Variants in WWOX observed in about 807,000 individuals in gnomAD.
WWOX encodes WW domain containing oxidoreductase.
A neutral mutation model predicts 46.2 loss-of-function variants in WWOX; 69 were observed. The observed-to-expected ratio is 1.49, with a 90% CI of 1.23 to 1.82. The LOEUF (loss-of-function observed/expected upper bound fraction) is 1.82. WWOX is among the 40% of genes most tolerant of loss of function. The pLI is 0.00. For missense variants in WWOX, 919 were observed against 542.6 expected, an observed-to-expected ratio of 1.69 and a Z score of -6.89; for synonymous variants, 359 against 202.6, an observed-to-expected ratio of 1.77 and a Z score of -6.56.
At chr16:78,962,046 T>A (rs1425456557) in intron 8 of WWOX, among the ~76,000 whole-genome samples, 1 of 152,086 alleles carries the variant, frequency 6.6e-6, no homozygotes, top group Non-Finnish European at 1.5e-5. Flanking sequence ...TGGATGTGAC[T>A]TCTACCTATG....
chr16:78,426,493 C>G (rs1004348104), intron 7 of WWOX, among the ~76,000 whole-genome samples: 5 of 152,120 alleles, frequency 3.3e-5, no homozygotes, highest in African/African-American at 1.2e-4. Context: ...AGATCCAAAT[C>G]TCAGCATCAT....
At chr16:78,381,684 T>C (rs2081959660) in intron 5 of WWOX, among the ~76,000 whole-genome samples, 1 of 152,236 alleles carries the variant, frequency 6.6e-6, no homozygotes, top group Admixed American at 6.5e-5. Context: ...AGAGCCATTT[T>C]ACAGCATTTC....
intron 8 of WWOX, among the ~76,000 whole-genome samples, chr16:78,710,191 C>T (rs903637747): frequency 7.9e-5 from 12 of 151,860 alleles, no homozygotes; most frequent in African/African-American, 2.4e-4. Context: ...AGGCTTTCCC[C>T]GTTCAAATCA....
At chr16:79,096,315 C>A (rs961445363) in intron 8 of WWOX, among the ~76,000 whole-genome samples, 2 of 152,150 alleles carry the variant, frequency 1.3e-5, no homozygotes, top group African/African-American at 4.8e-5. Context: ...TCCCCTGTTA[C>A]TCGGAGTGCA....
intron 5 of WWOX, among the ~76,000 whole-genome samples, chr16:78,302,112 C>T (rs1460909681): frequency 6.6e-6 from 1 of 152,046 alleles, no homozygotes; most frequent in African/African-American, 2.4e-5. Context: ...AGGCGCCTGC[C>T]ACCATGCCCG....
At chr16:79,101,017 A>T (rs575024837) in intron 8 of WWOX, 1 of 153,064 alleles carries the variant, frequency 6.5e-6, no homozygotes, top group Admixed American at 6.5e-5. Context: ...GGGGAATGAG[A>T]ACTAGGGAAC....
chr16:79,192,510 A>G (rs748465332), intron 8 of WWOX, among the ~76,000 whole-genome samples: 16 of 152,306 alleles, frequency 1.1e-4, no homozygotes, highest in Non-Finnish European at 2.1e-4. Flanking sequence ...TAATTTAACA[A>G]CTGAAAAAGA....
intron 5 of WWOX, among the ~76,000 whole-genome samples, chr16:78,246,775 G>A (rs553689470): frequency 3.9e-5 from 6 of 152,300 alleles, no homozygotes; most frequent in African/African-American, 9.6e-5. Context: ...TTCAGGTGGC[G>A]TGGGGCGGTG....
At chr16:78,316,735 GT>G (rs373458266) in intron 5 of WWOX, among the ~76,000 whole-genome samples, 339 of 152,216 alleles carry the variant, frequency 2.2e-3, no homozygotes, top group African/African-American at 7.9e-3. Context: ...ATAAGCTTCT[GT>G]TACTGGAAAA....
intron 8 of WWOX, among the ~76,000 whole-genome samples, chr16:78,755,564 G>A (rs1466211360): frequency 6.6e-6 from 1 of 152,162 alleles, no homozygotes; most frequent in African/African-American, 2.4e-5. Flanking sequence ...ACATTATTTA[G>A]TAAATAGCCC....
chr16:78,186,677 A>G (rs2035715919), intron 5 of WWOX, among the ~76,000 whole-genome samples: 1 of 152,222 alleles, frequency 6.6e-6, no homozygotes, highest in South Asian at 2.1e-4. Flanking sequence ...AGGCAGGAGA[A>G]TTGCTTGAAC....
chr16:78,178,549 G>A (rs549703426), intron 5 of WWOX, among the ~76,000 whole-genome samples: 35 of 152,222 alleles, frequency 2.3e-4, no homozygotes, highest in African/African-American at 7.2e-4. Context: ...TTTCATACCC[G>A]GAATTCGCAT....
At chr16:79,162,129 G>T (rs1187113761) in intron 8 of WWOX, among the ~76,000 whole-genome samples, 2 of 152,202 alleles carry the variant, frequency 1.3e-5, no homozygotes, top group African/African-American at 4.8e-5. Flanking sequence ...GTTCCTACCT[G>T]TGAGTAAAGG....
chr16:78,719,223 G>T (rs147123162), intron 8 of WWOX, among the ~76,000 whole-genome samples: 1 of 152,174 alleles, frequency 6.6e-6, no homozygotes, highest in Non-Finnish European at 1.5e-5. Context: ...CAGGTAATGT[G>T]TTTAGCACAC....
At chr16:79,121,688 G>T (rs921292416) in intron 8 of WWOX, among the ~76,000 whole-genome samples, 9 of 152,146 alleles carry the variant, frequency 5.9e-5, no homozygotes, top group African/African-American at 1.9e-4. Context: ...GCTGGGCTTT[G>T]GGAAGAGAAA....
At chr16:78,325,428 C>T (rs2080589314) in intron 5 of WWOX, among the ~76,000 whole-genome samples, 1 of 151,952 alleles carries the variant, frequency 6.6e-6, no homozygotes, top group African/African-American at 2.4e-5. Flanking sequence ...GAAAAATTGC[C>T]TTTTTAACTG....
intron 8 of WWOX, among the ~76,000 whole-genome samples, chr16:78,751,198 A>G (rs1312584808): frequency 2.0e-5 from 3 of 152,112 alleles, no homozygotes; most frequent in Non-Finnish European, 4.4e-5. Context: ...AGACAGATGT[A>G]TTTAATTTGT....
intron 8 of WWOX, among the ~76,000 whole-genome samples, chr16:78,878,939 T>G (rs1187795203): frequency 1.4e-5 from 2 of 144,002 alleles, no homozygotes; most frequent in African/African-American, 5.2e-5. Flanking sequence ...TAGTGGTACA[T>G]GCCTATAGTC....
intron 8 of WWOX, among the ~76,000 whole-genome samples, chr16:78,491,635 C>T (rs943104403): frequency 2.2e-4 from 34 of 152,024 alleles, no homozygotes; most frequent in African/African-American, 4.6e-4. Flanking sequence ...GCTACCGTGT[C>T]TTGTTTTCAA....
Sources: allele counts gnomAD v4.1 joint callset (sites outside exome capture counted in the v4.1 genomes callset), GRCh38; gene constraint gnomAD v4.1.1; transcripts MANE v1.5; gene names NCBI Gene and HGNC (gene_info 2026-07-23, HGNC 2026-07-21).